The following PCCA variants were observed in gnomAD, a reference collection of about 807,000 sequenced individuals.
The protein encoded by PCCA is propionyl-CoA carboxylase alpha chain, mitochondrial.
A neutral mutation model predicts 101.3 loss-of-function variants in PCCA; 74 were observed. The observed-to-expected ratio is 0.73, with a 90% confidence interval of 0.61 to 0.89. The LOEUF is 0.89. Among genes scored for constraint, PCCA ranks in the 40% least tolerant of loss-of-function variants. PCCA has a pLI of 0.00. For synonymous variants in PCCA, 294 were observed against 313.6 expected (o/e 0.94, Z 0.66); for missense variants, 891 against 907.0 (o/e 0.98, Z 0.23).
intron 6 of PCCA, among the ~76,000 whole-genome samples, chr13:100,172,126 A>G (rs974050491): frequency 1.3e-5 from 2 of 151,258 alleles, no homozygotes; most frequent in South Asian, 4.2e-4. Flanking sequence ...GCTTGAGCCC[A>G]GGAGATGGAG....
At chr13:100,311,535 T>G (rs1487332046) in intron 16 of PCCA, among the ~76,000 whole-genome samples, 1 of 152,086 alleles carries the variant, frequency 6.6e-6, no homozygotes, top group Non-Finnish European at 1.5e-5. Context: ...TTTGGGAGGC[T>G]GAGGAGGGCA....
intron 9 of PCCA, 36 bp downstream of exon 9, chr13:100,257,709 T>C (rs1289810921): frequency 4.1e-6 from 6 of 1,477,530 alleles, no homozygotes; most frequent in Non-Finnish European, 5.7e-6. Flanking sequence ...TTGATGAAAA[T>C]TGCAGTTACC....
intron 19 of PCCA, among the ~76,000 whole-genome samples, chr13:100,416,095 C>T (rs918471558): frequency 8.5e-5 from 13 of 152,056 alleles, no homozygotes; most frequent in African/African-American, 3.1e-4. Context: ...TTATTTGTAC[C>T]ACAAATGCAG....
chr13:100,422,118 C>CTTCTTTTT (rs1567109556), intron 19 of PCCA, among the ~76,000 whole-genome samples: 1 of 51,164 alleles, frequency 2.0e-5, no homozygotes, highest in East Asian at 6.3e-4. Context: ...TTCTTTCTTT[C>CTTCTTTTT]TTTTCTTTCT....
intron 21 of PCCA, among the ~76,000 whole-genome samples, chr13:100,493,235 C>G (rs1311467010): frequency 1.3e-5 from 2 of 152,222 alleles, no homozygotes; most frequent in African/African-American, 4.8e-5. Context: ...GCCAAGCAAA[C>G]GAGCTTCACC....
chr13:100,196,980 C>T (rs1396421883), intron 6 of PCCA, among the ~76,000 whole-genome samples: 1 of 152,150 alleles, frequency 6.6e-6, no homozygotes, highest in East Asian at 1.9e-4. Context: ...CTCCTTCCTA[C>T]CTTTGTTGAT....
rs781183652 is a variant in PCCA, at chr13:100,458,203, G to T, written c.1899+8898G>T. Among the ~76,000 whole-genome samples the T allele has an allele frequency of 6.5e-4, 99 of 151,740 alleles. 1 individual carries two copies. The highest frequency in any genetic ancestry group is 6.4e-3 in the Admixed American group (97 of 15,196). On this transcript the variant is annotated intron_variant, in intron 21 of 23. Coordinates refer to ENST00000376285, the MANE Select transcript of PCCA (RefSeq NM_000282.4). ...TTGTTTAAAAATTGTGGCCAAGCAT[G>T]GTGGCTCATGCCTGTAATCCCAGCT...
rs374992638 is a variant in PCCA, at chr13:100,264,203, G to A, written c.819+1372G>A. Among the ~76,000 whole-genome samples, 2 of 95,922 alleles carry A rather than the reference G, an allele frequency of 2.1e-5. 1 individual carries two copies. The highest frequency in any genetic ancestry group is 5.1e-5 in the Non-Finnish European group (2 of 39,570). The allele number at this position is 95,922 out of a possible 152,430, so 62.9% of individuals were successfully genotyped here. A position where few individuals can be genotyped will look rare whatever the true frequency, so the allele number is the denominator to read the frequency against. On this transcript the variant is annotated intron_variant, in intron 10 of 23. Coordinates refer to ENST00000376285, the MANE Select transcript of PCCA (RefSeq NM_000282.4). ...TATGTGATATCTGTATATCATATATGTGATATCTGTATCTCATATATATGT... is the reference window on the plus strand; with the variant it reads ...TATGTGATATCTGTATATCATATATATGATATCTGTATCTCATATATATGT...
At chr13:100,156,491 A>G (rs749715669) in intron 5 of PCCA, among the ~76,000 whole-genome samples, 7 of 152,218 alleles carry the variant, frequency 4.6e-5, no homozygotes, top group African/African-American at 7.2e-5. Flanking sequence ...ACACTGGCTG[A>G]TACTGAAGTG....
chr13:100,237,692 A>G (rs2060882062), intron 8 of PCCA, among the ~76,000 whole-genome samples: 1 of 152,132 alleles, frequency 6.6e-6, no homozygotes. Flanking sequence ...TAGGTTAGAT[A>G]TTATTATCAA....
At chr13:100,445,032 T>G (rs2080719950) in intron 20 of PCCA, among the ~76,000 whole-genome samples, 1 of 152,116 alleles carries the variant, frequency 6.6e-6, no homozygotes, top group South Asian at 2.1e-4. Flanking sequence ...AGTTGAGGAT[T>G]AGGCATCTGA....
chr13:100,286,204 T>A (rs2064631550), intron 12 of PCCA, among the ~76,000 whole-genome samples: 1 of 152,154 alleles, frequency 6.6e-6, no homozygotes, highest in Non-Finnish European at 1.5e-5. Context: ...ACCTTTTTAT[T>A]TTTAATAAAA....
At chr13:100,252,141 G>A (rs914481975) in intron 8 of PCCA, among the ~76,000 whole-genome samples, 2 of 152,108 alleles carry the variant, frequency 1.3e-5, no homozygotes, top group African/African-American at 4.8e-5. Flanking sequence ...GTTCTTTCTC[G>A]GAGTGGGGTG....
chr13:100,104,061 A>G (rs1006190299), intron 2 of PCCA, among the ~76,000 whole-genome samples: 1 of 152,248 alleles, frequency 6.6e-6, no homozygotes, highest in Non-Finnish European at 1.5e-5. Context: ...GATTGGAAAT[A>G]AAATATGGTT....
chr13:100,441,495 A>G (rs937319262), intron 20 of PCCA, among the ~76,000 whole-genome samples: 1 of 152,244 alleles, frequency 6.6e-6, no homozygotes, highest in Non-Finnish European at 1.5e-5. Flanking sequence ...TTGTGTGAAT[A>G]ACTTTGCTAA....
In PCCA at chr13:100,508,816, G is replaced by A. The variant is rs910102565; in HGVS notation, c.1900-6611G>A. 3.3e-5 allele frequency among the ~76,000 whole-genome samples: 5 copies of A among 152,058 alleles called. No individual in the cohort carries two copies. The East Asian group carries it at 7.7e-4, about 23-fold the overall frequency. On this transcript the variant is annotated intron_variant, in intron 21 of 23. Coordinates refer to ENST00000376285, the MANE Select transcript of PCCA (RefSeq NM_000282.4). ...TTTGTGTTGCCTTAATGCTTGGGGT[G>A]GGGGGTTCAGGCTATTTATTGTGCT... is the stretch of plus-strand genomic sequence containing the variant.
At chr13:100,166,096 T>G (rs568043839) in intron 6 of PCCA, among the ~76,000 whole-genome samples, 1 of 152,330 alleles carries the variant, frequency 6.6e-6, no homozygotes, top group South Asian at 2.1e-4. Context: ...AAAGACTTCC[T>G]GGTGCTCCTT....
chr13:100,293,001 T>G (rs1381959921), intron 12 of PCCA, among the ~76,000 whole-genome samples: 3 of 150,810 alleles, frequency 2.0e-5, no homozygotes, highest in African/African-American at 4.9e-5. Flanking sequence ...AGATGCTAGG[T>G]TTTTTTTTAG....
chr13:100,164,778 A>G (rs1261234711), intron 6 of PCCA, among the ~76,000 whole-genome samples: 1 of 152,200 alleles, frequency 6.6e-6, no homozygotes, highest in Non-Finnish European at 1.5e-5. Context: ...ATGTTTTGCA[A>G]TCATCAGCTC....
Sources: gnomAD v4.1 joint callset for allele counts (sites outside exome capture counted in the v4.1 genomes callset) on GRCh38, gnomAD v4.1.1 for gene constraint, MANE v1.5 for transcripts, NCBI Gene and HGNC (gene_info 2026-07-23, HGNC 2026-07-21) for gene names.